The following NWD2 variants were observed in gnomAD, a reference collection of about 807,000 sequenced individuals.
NWD2 encodes NACHT and WD repeat domain containing 2.
NWD2 carries 37 observed loss-of-function variants against 132.7 expected under a neutral mutation model. The ratio of observed to expected loss-of-function variants is 0.28; its 90% CI spans 0.21 to 0.37. NWD2 has a LOEUF of 0.37. Among genes scored for constraint, NWD2 ranks in the 10% least tolerant of loss-of-function variants. The pLI, the probability that NWD2 is intolerant of heterozygous loss-of-function variation, is 1.00. For synonymous variants in NWD2, 705 were observed against 803.0 expected, an observed-to-expected ratio of 0.88 and a Z score of 2.06; for missense variants, 1,592 against 2,122.4, an observed-to-expected ratio of 0.75 and a Z score of 4.91.
chr4:37,257,992 TTC>T (rs1301432429), intron 1 of NWD2, among the ~76,000 whole-genome samples: 6 of 152,268 alleles, frequency 3.9e-5, no homozygotes, highest in Non-Finnish European at 8.8e-5. Context: ...AAAAAATTAT[TTC>T]TTTCACTCAA....
At chr4:37,263,448 A>T (rs2109260174) in intron 1 of NWD2, among the ~76,000 whole-genome samples, 1 of 152,282 alleles carries the variant, frequency 6.6e-6, no homozygotes, top group Non-Finnish European at 1.5e-5. Context: ...TGGATCAGAA[A>T]GTGCTAGGTC....
At chr4:37,305,987 G>T (rs781114761) in intron 1 of NWD2, among the ~76,000 whole-genome samples, 3 of 152,092 alleles carry the variant, frequency 2.0e-5, no homozygotes, top group Non-Finnish European at 4.4e-5. Context: ...GATTTTCTTT[G>T]TTGAGAGACT....
At chr4:37,283,072 G>C (rs566648354) in intron 1 of NWD2, among the ~76,000 whole-genome samples, 1 of 152,264 alleles carries the variant, frequency 6.6e-6, no homozygotes, top group East Asian at 1.9e-4. Flanking sequence ...ATGAGGCTCT[G>C]AGCCATTAGC....
intron 3 of NWD2, among the ~76,000 whole-genome samples, chr4:37,410,339 G>T (rs958229599): frequency 2.0e-5 from 3 of 151,926 alleles, no homozygotes; most frequent in African/African-American, 7.2e-5. Flanking sequence ...GCAAAAAAAA[G>T]GCAGGAGTTG....
intron 5 of NWD2, among the ~76,000 whole-genome samples, chr4:37,436,713 G>GT (rs1349431012): frequency 6.6e-6 from 1 of 152,114 alleles, no homozygotes; most frequent in Non-Finnish European, 1.5e-5. Context: ...GTAGCAAGCT[G>GT]TTAATCCAAC....
chr4:37,445,467 T>C lies in NWD2; in HGVS notation c.3479T>C (p.Val1160Ala). The C allele has an allele frequency of 1.3e-6, 2 of 1,551,826 alleles. No individual in the cohort carries two copies. Among genetic ancestry groups the C allele is most frequent in the Non-Finnish European group, 1.7e-6 (2 of 1,147,018 alleles). Reference sequence around the variant, plus strand: ...GACACAGCTCAGGAAATGGTCATGGTAGACAGTGAAGGAAGTCTTTCTGTT... The same window carrying C: ...GACACAGCTCAGGAAATGGTCATGGCAGACAGTGAAGGAAGTCTTTCTGTT... ...ILDTAQEMVM[V>A]DSEGSLSVWN... The change falls in exon 7 of 7, where the codon GTA (valine) becomes GCA (alanine). Residue 1160 changes from valine to alanine, a missense_variant. By Grantham distance (64) the Val-to-Ala change is moderately conservative. Transcript: ENST00000309447. The surrounding 1 kb of genome is among the most constrained non-coding windows in gnomAD (Gnocchi z 4.7).
chr4:37,371,445 T>C (rs1293277009), intron 3 of NWD2, among the ~76,000 whole-genome samples: 1 of 152,248 alleles, frequency 6.6e-6, no homozygotes, highest in Non-Finnish European at 1.5e-5. Context: ...AATTTGCTTT[T>C]ACTAGATGGC....
intron 1 of NWD2, among the ~76,000 whole-genome samples, chr4:37,265,927 T>C (rs1717740841): frequency 6.6e-6 from 1 of 151,972 alleles, no homozygotes; most frequent in Admixed American, 6.6e-5. Context: ...TACCACATTA[T>C]TTAGCTTACC....
At chr4:37,398,822 C>CT (rs1300272740) in intron 3 of NWD2, among the ~76,000 whole-genome samples, 4 of 151,246 alleles carry the variant, frequency 2.6e-5, no homozygotes, top group Non-Finnish European at 4.4e-5. Context: ...TTTGCCTTTG[C>CT]TTTTTTTTTC....
At chr4:37,251,943 C>G (rs754329723) in intron 1 of NWD2, among the ~76,000 whole-genome samples, 1 of 152,176 alleles carries the variant, frequency 6.6e-6, no homozygotes, top group Non-Finnish European at 1.5e-5. Flanking sequence ...TAGGTCTCTG[C>G]TCTTAGGGTA....
chr4:37,393,087 C>T (rs1301062787), intron 3 of NWD2, among the ~76,000 whole-genome samples: 4 of 152,116 alleles, frequency 2.6e-5, no homozygotes, highest in African/African-American at 4.8e-5. Flanking sequence ...TGATCCACGG[C>T]GCCTCAGGAA....
chr4:37,417,721 G>A (rs1442435780), intron 3 of NWD2, among the ~76,000 whole-genome samples: 5 of 152,122 alleles, frequency 3.3e-5, no homozygotes, highest in Non-Finnish European at 5.9e-5. Context: ...ATGTATCCTG[G>A]AATTGAACAA....
At chr4:37,343,791 G>T (rs1719577755) in intron 2 of NWD2, among the ~76,000 whole-genome samples, 1 of 152,082 alleles carries the variant, frequency 6.6e-6, no homozygotes, top group African/African-American at 2.4e-5. Context: ...TCTCTTTTTA[G>T]AAAAAATTTA....
intron 3 of NWD2, among the ~76,000 whole-genome samples, chr4:37,366,718 C>T (rs773563447): frequency 2.0e-5 from 3 of 151,912 alleles, no homozygotes; most frequent in African/African-American, 7.3e-5. Flanking sequence ...ACATCAATAT[C>T]ATATAGTAGG....
chr4:37,340,805 A>G (rs1265489613), intron 2 of NWD2, among the ~76,000 whole-genome samples: 2 of 152,244 alleles, frequency 1.3e-5, no homozygotes, highest in East Asian at 1.9e-4. Flanking sequence ...CTGTGCATAC[A>G]TTAACTTGTT....
At chr4:37,355,061 T>C (rs1871482) in intron 2 of NWD2, among the ~76,000 whole-genome samples, 147,091 of 152,268 alleles carry the variant, frequency 0.97, 71,264 homozygotes, top group East Asian at 1. Context: ...TGTATCTCCT[T>C]TGTCCAACAT....
At chr4:37,341,205 G>A (rs780222207) in intron 2 of NWD2, among the ~76,000 whole-genome samples, 69 of 152,062 alleles carry the variant, frequency 4.5e-4, no homozygotes, top group Admixed American at 3.9e-4. Flanking sequence ...TTATAAAATT[G>A]GCTTTGTGTT....
At chr4:37,407,842 T>C (rs769730522) in intron 3 of NWD2, among the ~76,000 whole-genome samples, 1 of 152,180 alleles carries the variant, frequency 6.6e-6, no homozygotes, top group Non-Finnish European at 1.5e-5. Context: ...CTGGTTGATC[T>C]CATTGGGACT....
At chr4:37,414,898 A>T (rs1012058453) in intron 3 of NWD2, among the ~76,000 whole-genome samples, 1 of 152,142 alleles carries the variant, frequency 6.6e-6, no homozygotes, top group African/African-American at 2.4e-5. Context: ...ACATTGTTGG[A>T]TTCTATATTT....
Sources: allele counts gnomAD v4.1 joint callset (sites outside exome capture counted in the v4.1 genomes callset), GRCh38; gene constraint gnomAD v4.1.1; non-coding constraint Gnocchi (gnomAD v3.1); transcripts MANE v1.5; gene names NCBI Gene and HGNC (gene_info 2026-07-23, HGNC 2026-07-21).